GRID1: variants seen among roughly 807,000 people sequenced by gnomAD.
GRID1 encodes the protein glutamate ionotropic receptor delta type subunit 1, also known as glutamate receptor ionotropic, delta-1.
GRID1 carries 28 observed loss-of-function variants against 98.0 expected under a neutral mutation model. The observed-to-expected ratio is 0.29, with a 90% CI of 0.21 to 0.39. The LOEUF is 0.39. Ranked by LOEUF, GRID1 falls within the 10% of genes least tolerant of loss-of-function variation. The pLI, the probability that GRID1 is intolerant of heterozygous loss-of-function variation, is 1.00. For missense variants in GRID1, 1,111 were observed against 1,340.5 expected (o/e 0.83, Z 2.67); for synonymous variants, 553 against 538.5 (o/e 1.03, Z -0.37).
intron 12 of GRID1, among the ~76,000 whole-genome samples, chr10:85,699,979 G>T (rs1324922645): frequency 6.6e-6 from 1 of 152,088 alleles, no homozygotes; most frequent in Non-Finnish European, 1.5e-5. Flanking sequence ...AGTTTCTAAT[G>T]CCATCCAGCT....
chr10:86,200,407 C>CA (rs901968950), intron 3 of GRID1, among the ~76,000 whole-genome samples: 8 of 152,144 alleles, frequency 5.3e-5, no homozygotes, highest in African/African-American at 1.9e-4. Context: ...GGAGCAGTGT[C>CA]AGGGTGGAAG....
At chr10:86,351,832 C>T (rs1007921682) in intron 2 of GRID1, among the ~76,000 whole-genome samples, 2 of 152,242 alleles carry the variant, frequency 1.3e-5, no homozygotes, top group African/African-American at 4.8e-5. Context: ...CTTTACTGAG[C>T]ACCTCCTTGG....
At chr10:85,906,557 A>C (rs114601001) in intron 5 of GRID1, among the ~76,000 whole-genome samples, 48 of 152,318 alleles carry the variant, frequency 3.2e-4, no homozygotes, top group African/African-American at 1.2e-3. Flanking sequence ...TCTATCCTCT[A>C]ACCACAGTGG....
At chr10:86,201,278 T>C (rs981428301) in intron 3 of GRID1, among the ~76,000 whole-genome samples, 1 of 152,168 alleles carries the variant, frequency 6.6e-6, no homozygotes, top group Non-Finnish European at 1.5e-5. Context: ...AACCTAATGC[T>C]GAGTGAAAAT....
At position 85,892,743 on chromosome 10, in the gene GRID1, G is replaced by A. The variant is rs139244873; in HGVS notation, c.780+23443C>T. 1.2e-3 allele frequency among the ~76,000 whole-genome samples: 179 copies of A among 152,114 alleles called. 1 individual carries two copies. Among genetic ancestry groups the A allele is most frequent in the African/African-American group, 4.2e-3 (176 of 41,532 alleles). The stretch of plus-strand genomic sequence containing the variant: ...AAGGGTATTCAGAGGAACCTTTTCA[G>A]ACCCAGATAACGTCATTGGTGAATT... On this transcript the variant is annotated intron_variant, in intron 5 of 15. Transcript: ENST00000327946.
intron 4 of GRID1, among the ~76,000 whole-genome samples, chr10:85,948,450 T>C (rs920802794): frequency 4.6e-5 from 7 of 152,202 alleles, no homozygotes; most frequent in Non-Finnish European, 1.0e-4. Context: ...TTCTCTTCTC[T>C]GAAGGAATTA....
intron 2 of GRID1, among the ~76,000 whole-genome samples, chr10:86,242,940 C>G (rs1283529355): frequency 6.6e-6 from 1 of 152,140 alleles, no homozygotes; most frequent in Non-Finnish European, 1.5e-5. Flanking sequence ...CCCAGCCCCA[C>G]CTGCCTCACC....
At chr10:85,813,043 A>C (rs1842686483) in intron 8 of GRID1, among the ~76,000 whole-genome samples, 1 of 151,880 alleles carries the variant, frequency 6.6e-6, no homozygotes, top group Non-Finnish European at 1.5e-5. Context: ...TTCAATCTGA[A>C]GAGAAAAGAA....
At chr10:86,263,598 G>A (rs1352949449) in intron 2 of GRID1, among the ~76,000 whole-genome samples, 3 of 152,218 alleles carry the variant, frequency 2.0e-5, no homozygotes, top group Non-Finnish European at 4.4e-5. Flanking sequence ...ATCCTGCTGT[G>A]CCACTCACTA....
intron 2 of GRID1, among the ~76,000 whole-genome samples, chr10:86,233,591 C>A (rs1042937624): frequency 2.4e-4 from 37 of 152,174 alleles, no homozygotes; most frequent in African/African-American, 8.7e-4. Context: ...CAACATCAGA[C>A]AGTGGTGGTG....
intron 5 of GRID1, among the ~76,000 whole-genome samples, chr10:85,880,148 A>G (rs1446220653): frequency 6.6e-6 from 1 of 152,208 alleles, no homozygotes; most frequent in African/African-American, 2.4e-5. Context: ...CCAACCAAAA[A>G]AAGTCCGGGA....
At chr10:85,771,598 A>C (rs928374182) in intron 8 of GRID1, among the ~76,000 whole-genome samples, 2 of 152,174 alleles carry the variant, frequency 1.3e-5, no homozygotes, top group Non-Finnish European at 2.9e-5. Flanking sequence ...CAGAGACACA[A>C]ATAGGCTCAA....
intron 3 of GRID1, among the ~76,000 whole-genome samples, chr10:86,202,256 T>A (rs1353417671): frequency 6.6e-6 from 1 of 152,244 alleles, no homozygotes; most frequent in Non-Finnish European, 1.5e-5. Flanking sequence ...CCCATCTGTG[T>A]CTTCACTGAA....
At chr10:85,672,448 C>T (rs1841097391) in intron 12 of GRID1, among the ~76,000 whole-genome samples, 1 of 152,266 alleles carries the variant, frequency 6.6e-6, no homozygotes, top group African/African-American at 2.4e-5. Context: ...GCTGGGACTA[C>T]AGGTGCCCAC....
intron 14 of GRID1, among the ~76,000 whole-genome samples, chr10:85,615,691 G>C (rs1277527702): frequency 6.6e-6 from 1 of 152,174 alleles, no homozygotes; most frequent in Non-Finnish European, 1.5e-5. Flanking sequence ...ACACCACATG[G>C]TGAACTGGAC....
chr10:85,894,601 T>A (rs79933923), intron 5 of GRID1, among the ~76,000 whole-genome samples: 11 of 152,326 alleles, frequency 7.2e-5, no homozygotes, highest in Non-Finnish European at 1.2e-4. Context: ...GTCGTACTTA[T>A]CAGATTGTGC....
At chr10:85,831,065 C>T (rs1007466262) in intron 8 of GRID1, among the ~76,000 whole-genome samples, 1 of 151,982 alleles carries the variant, frequency 6.6e-6, no homozygotes, top group African/African-American at 2.4e-5. Flanking sequence ...CATTAATGCC[C>T]ATCAATGGTA....
At chr10:86,362,793 T>C (rs1177609605) in intron 2 of GRID1, among the ~76,000 whole-genome samples, 1 of 152,170 alleles carries the variant, frequency 6.6e-6, no homozygotes, top group African/African-American at 2.4e-5. Context: ...AACCCATGTG[T>C]ACCAAAGCAG....
chr10:86,088,405 T>A (rs542607157), intron 4 of GRID1, among the ~76,000 whole-genome samples: 33 of 152,356 alleles, frequency 2.2e-4, no homozygotes, highest in African/African-American at 7.7e-4. Context: ...GATATACTTG[T>A]TTAGCATGCA....
Sources: allele counts gnomAD v4.1 joint callset (sites outside exome capture counted in the v4.1 genomes callset), GRCh38; gene constraint gnomAD v4.1.1; transcripts MANE v1.5; gene names NCBI Gene and HGNC (gene_info 2026-07-23, HGNC 2026-07-21).